Variants in TGFBR2 observed in about 807,000 individuals in gnomAD.
TGFBR2 encodes the protein transforming growth factor beta receptor 2.
A neutral mutation model predicts 49.0 loss-of-function variants in TGFBR2; 18 were observed. That is an observed-to-expected ratio of 0.37 (90% confidence interval 0.25 to 0.54). The LOEUF is 0.54. Ranked by LOEUF, TGFBR2 falls within the 20% of genes least tolerant of loss-of-function variation. TGFBR2 has a pLI of 0.85. For synonymous variants in TGFBR2, 282 were observed against 275.9 expected (o/e 1.02, Z -0.22); for missense variants, 525 against 722.6 (o/e 0.73, Z 3.13).
intron 1 of TGFBR2, among the ~76,000 whole-genome samples, chr3:30,630,749 G>C (rs1698420337): frequency 6.6e-6 from 1 of 152,170 alleles, no homozygotes; most frequent in Admixed American, 6.5e-5. Flanking sequence ...AAAAGGGCTG[G>C]AGGTAACCAG....
At chr3:30,650,486 G>A (rs542768355) in intron 3 of TGFBR2, 26 bp downstream of exon 3, 1 of 1,613,066 alleles carries the variant, frequency 6.2e-7, no homozygotes, top group African/African-American at 1.3e-5. Context: ...TTAAGGGTGT[G>A]GGACCTGAGA....
intron 1 of TGFBR2, among the ~76,000 whole-genome samples, chr3:30,639,100 G>T (rs1402202981): frequency 6.6e-6 from 1 of 152,192 alleles, no homozygotes; most frequent in Admixed American, 6.5e-5. Flanking sequence ...AAAAGGTGAA[G>T]AATAGGTATT....
chr3:30,670,945 C>T (rs1201242743), intron 3 of TGFBR2, among the ~76,000 whole-genome samples: 1 of 152,200 alleles, frequency 6.6e-6, no homozygotes, highest in Non-Finnish European at 1.5e-5. Flanking sequence ...CACCCATGGG[C>T]CCAGGGTAGC....
rs139014345 is a variant in TGFBR2 at position 30,676,283 on chromosome 3, A to G, written c.1396+2037A>G. Among the ~76,000 whole-genome samples, 54 of 152,350 alleles carry G rather than the reference A, an allele frequency of 3.5e-4. No homozygotes were observed. Among genetic ancestry groups the G allele is most frequent in the Non-Finnish European group, 7.1e-4 (48 of 68,028 alleles). The stretch of plus-strand genomic sequence containing the variant: ...ACATGCCTTTGACCTGTTTCTAAAG[A>G]TACTAAATACCTGTTTAGCAAAGGT... On this transcript the variant is annotated intron_variant, in intron 5 of 6. Transcript: ENST00000295754. This position sits in a 1 kb window ranked among gnomAD's most constrained non-coding sequence, Gnocchi z 4.3.
chr3:30,691,927 ATC>A lies in TGFBR2; in HGVS notation c.*330_*331del, dbSNP rs561991238. On this transcript the variant is annotated 3_prime_UTR_variant, in exon 7 of 7. Coordinates refer to ENST00000295754, the MANE Select transcript of TGFBR2 (RefSeq NM_003242.6). ...CTATGTTTTATATATATATATATAT[ATC>A]TATATATGTCTATAGCTCTATATAT... The A allele has an allele frequency of 3.3e-3, 679 of 204,332 alleles. 3 individuals carry two copies. Among genetic ancestry groups the A allele is most frequent in the South Asian group, 5.2e-3 (30 of 5,718 alleles). The allele number at this position is 204,332 out of a possible 1,614,324, so 12.7% of individuals were successfully genotyped here.
At chr3:30,667,752 C>T (rs1425938530) in intron 3 of TGFBR2, among the ~76,000 whole-genome samples, 1 of 152,150 alleles carries the variant, frequency 6.6e-6, no homozygotes, top group African/African-American at 2.4e-5. Flanking sequence ...ATCAACATTT[C>T]ATCTGGACGT....
chr3:30,633,459 A>G lies in TGFBR2; in HGVS notation c.95-11288A>G, dbSNP rs574706252. On this transcript the variant is annotated intron_variant, in intron 1 of 6. Transcript: ENST00000295754. ...CATGTTAAAAATATTCATATTAGAG[A>G]GTTAAATCATGACTTTTTGCATTCT... Among the ~76,000 whole-genome samples, 10 of 152,356 alleles carry G rather than the reference A, an allele frequency of 6.6e-5. No homozygotes were observed. In the South Asian group the frequency reaches 1.0e-3, roughly 16 times the overall value.
chr3:30,673,369 G>T (rs1396827784), intron 4 of TGFBR2, among the ~76,000 whole-genome samples: 1 of 152,162 alleles, frequency 6.6e-6, no homozygotes, highest in East Asian at 1.9e-4. Context: ...TATTTAGTCA[G>T]TTTATACATA....
rs769447304 is a variant in TGFBR2, at chr3:30,691,593, C to G, written c.1698C>G (p.Thr566=). 6.2e-7 allele frequency: 1 copy of G among 1,614,052 alleles called. No individual in the cohort carries two copies. The highest frequency in any genetic ancestry group is 1.1e-5 in the South Asian group (1 of 91,062). ...KIPEDGSLNT[T]K is the part of the protein sequence containing the mutation. ...CTGAAGACGGCTCCCTAAACACTACCAAATAGCTCTTCTGGGGCAGGCTGG... is the reference window on the plus strand; with the variant it reads ...CTGAAGACGGCTCCCTAAACACTACGAAATAGCTCTTCTGGGGCAGGCTGG... The change falls in exon 7 of 7, where the codon ACC becomes ACG. Residue 566 remains threonine, a synonymous_variant. Transcript: ENST00000295754.
At chr3:30,620,970 G>C (rs1698220897) in intron 1 of TGFBR2, among the ~76,000 whole-genome samples, 1 of 152,164 alleles carries the variant, frequency 6.6e-6, no homozygotes, top group Non-Finnish European at 1.5e-5. Context: ...TTTCTTACCT[G>C]GGTGCTTAAT....
rs368648119 is a variant in TGFBR2, at chr3:30,622,657, G to A, written c.94+15680G>A. Among the ~76,000 whole-genome samples, 543 of 152,068 alleles carry A rather than the reference G, an allele frequency of 3.6e-3. 3 individuals are homozygous for A. Among genetic ancestry groups the A allele is most frequent in the Middle Eastern group, 0.034 (10 of 294 alleles). On this transcript the variant is annotated intron_variant, in intron 1 of 6. Transcript: ENST00000295754. ...AGCACTTTGGGAGGCCGAGGCAGGC[G>A]GATCACGAGGTCAGGAGTTTGAGAC...
chr3:30,642,864 A>G (rs1008772126), intron 1 of TGFBR2, among the ~76,000 whole-genome samples: 1 of 152,158 alleles, frequency 6.6e-6, no homozygotes, highest in Non-Finnish European at 1.5e-5. Flanking sequence ...ATTTCTGCCT[A>G]TATTTTTAGC....
intron 1 of TGFBR2, among the ~76,000 whole-genome samples, chr3:30,627,766 G>A (rs1698360325): frequency 6.6e-6 from 1 of 151,858 alleles, no homozygotes. Flanking sequence ...AAACGTAGCA[G>A]GTGCAAATAA....
chr3:30,671,512 C>A (rs1699336236), intron 3 of TGFBR2, 126 bp from the exon 4 acceptor site: 1 of 953,252 alleles, frequency 1.0e-6, no homozygotes. Flanking sequence ...TAAAAATTAA[C>A]AATATCGTAT....
chr3:30,661,549 C>T lies in TGFBR2; in HGVS notation c.455-10089C>T, dbSNP rs751386523. 15 of 511,092 alleles carry T rather than the reference C, an allele frequency of 2.9e-5. No homozygotes were observed. The East Asian group carries it at 6.6e-4, about 23-fold the overall frequency. The allele number at this position is 511,092 out of a possible 1,614,324, so 31.7% of individuals were successfully genotyped here. On this transcript the variant is annotated intron_variant, in intron 3 of 6. Transcript: ENST00000295754. ...CTTGACAGGTAGATGTAAAATCAGA[C>T]ATATAGGTTCAAACAATCGATTGCA...
At chr3:30,629,118 T>C (rs955226952) in intron 1 of TGFBR2, among the ~76,000 whole-genome samples, 1 of 152,220 alleles carries the variant, frequency 6.6e-6, no homozygotes, top group Non-Finnish European at 1.5e-5. Flanking sequence ...TGAATTTCTT[T>C]AGATCAGTGT....
At chr3:30,645,503 T>TTTTTTTTTA (rs56804140) in intron 2 of TGFBR2, among the ~76,000 whole-genome samples, 4 of 151,488 alleles carry the variant, frequency 2.6e-5, no homozygotes, top group African/African-American at 7.3e-5. Flanking sequence ...TTTTTTTTTT[T>TTTTTTTTTA]GAGATGGAGT....
rs183064565 is a variant in TGFBR2, at chr3:30,683,521, A to T, written c.1397-4863A>T. 3.0e-3 allele frequency among the ~76,000 whole-genome samples: 454 copies of T among 152,344 alleles called. 4 individuals are homozygous for T. The highest frequency in any genetic ancestry group is 0.01 in the African/African-American group (429 of 41,576). On this transcript the variant is annotated intron_variant, in intron 5 of 6. Coordinates refer to ENST00000295754, the MANE Select transcript of TGFBR2 (RefSeq NM_003242.6). ...CTCATTTGCAAGTAATAAGGGAAAA[A>T]TTTTAATCACTTTTAATCTCACTAT...
intron 3 of TGFBR2, among the ~76,000 whole-genome samples, chr3:30,655,585 A>G (rs1192198951): frequency 6.6e-6 from 1 of 152,234 alleles, no homozygotes; most frequent in Non-Finnish European, 1.5e-5. Flanking sequence ...TGCCTTTCAC[A>G]TAAGTGATTA....
Sources: gnomAD v4.1 joint callset for allele counts (sites outside exome capture counted in the v4.1 genomes callset) on GRCh38, gnomAD v4.1.1 for gene constraint, Gnocchi (gnomAD v3.1) non-coding constraint, MANE v1.5 for transcripts, NCBI Gene and HGNC (gene_info 2026-07-23, HGNC 2026-07-21) for gene names.